Variants in CDH12 observed in about 807,000 individuals in gnomAD.
CDH12 encodes cadherin 12.
CDH12 carries 41 observed loss-of-function variants against 74.1 expected under a neutral mutation model. That is an observed-to-expected ratio of 0.55 (90% CI 0.43 to 0.72). The LOEUF is 0.72. CDH12 is among the 30% of genes least tolerant of loss of function. The pLI is 0.00. For missense variants in CDH12, 945 were observed against 977.2 expected (o/e 0.97, Z 0.44); for synonymous variants, 399 against 355.0 (o/e 1.12, Z -1.39).
chr5:21,978,467 C>T (rs1580058450), intron 5 of CDH12, among the ~76,000 whole-genome samples: 1 of 152,006 alleles, frequency 6.6e-6, no homozygotes, highest in Non-Finnish European at 1.5e-5. Context: ...TTATATGTTT[C>T]AGTTATGTAA....
chr5:22,047,633 T>C (rs1314628532), intron 5 of CDH12, among the ~76,000 whole-genome samples: 1 of 152,036 alleles, frequency 6.6e-6, no homozygotes, highest in Non-Finnish European at 1.5e-5. Context: ...TCCTAACACA[T>C]GAAGGTGCTG....
intron 3 of CDH12, among the ~76,000 whole-genome samples, chr5:22,218,047 C>G (rs1421351452): frequency 6.6e-6 from 1 of 151,380 alleles, no homozygotes; most frequent in Admixed American, 6.6e-5. Context: ...CCACTAAATA[C>G]CTATTAGAAT....
rs1021957912 is a variant in CDH12 at position 21,779,991 on chromosome 5, G to A, written c.1393+3367C>T. The stretch of plus-strand genomic sequence containing the variant: ...CTTTGTCATACCCGATTTCCTTTAT[G>A]GTTCTAATATCTTTACATTGGCCAC... On this transcript the variant is annotated intron_variant, in intron 11 of 14. Coordinates refer to ENST00000382254, the MANE Select transcript of CDH12 (RefSeq NM_004061.5). Among the ~76,000 whole-genome samples the A allele has an allele frequency of 6.6e-5, 10 of 151,882 alleles. No homozygotes were observed. In the South Asian group the frequency reaches 1.2e-3, roughly 19 times the overall value.
chr5:22,696,269 G>T (rs1436891884), intron 1 of CDH12, among the ~76,000 whole-genome samples: 1 of 150,530 alleles, frequency 6.6e-6, no homozygotes, highest in East Asian at 2.0e-4. Context: ...TACTCAGGAG[G>T]CTAAGGCAGG....
At chr5:22,256,730 C>T (rs116614975) in intron 3 of CDH12, among the ~76,000 whole-genome samples, 32 of 152,080 alleles carry the variant, frequency 2.1e-4, no homozygotes, top group African/African-American at 7.2e-4. Flanking sequence ...ACCCTGTGCA[C>T]GCCAAGGCTA....
chr5:22,809,020 T>C (rs573174027), intron 1 of CDH12, among the ~76,000 whole-genome samples: 1 of 151,842 alleles, frequency 6.6e-6, no homozygotes, highest in African/African-American at 2.4e-5. Flanking sequence ...TATTTTGAGA[T>C]AGTTTATAAA....
rs1353840650 is a variant in CDH12, at chr5:22,750,391, C to A, written c.-523+102667G>T. The stretch of plus-strand genomic sequence containing the variant: ...GTAACTTCATCTATTTTCTGTCACA[C>A]AAAAGTAACTGGATTCAATAGGTAA... On this transcript the variant is annotated intron_variant, in intron 1 of 14. Coordinates refer to ENST00000382254, the MANE Select transcript of CDH12 (RefSeq NM_004061.5). Among the ~76,000 whole-genome samples the A allele has an allele frequency of 2.0e-5, 3 of 151,934 alleles. No homozygotes were observed. In the East Asian group the frequency reaches 5.8e-4, roughly 29 times the overall value.
In CDH12 at chr5:21,918,322, C is replaced by T. The variant is rs1046778909; in HGVS notation, c.526+56769G>A. Among the ~76,000 whole-genome samples, 3 of 151,904 alleles carry T rather than the reference C, an allele frequency of 2.0e-5. 1 individual carries two copies. Among genetic ancestry groups the T allele is most frequent in the Non-Finnish European group, 4.4e-5 (3 of 67,986 alleles). ...TTTCAATTTCTCAGTAAGATAATTC[C>T]TATTCAGATGTTACAATTAGGTTCT... On this transcript the variant is annotated intron_variant, in intron 6 of 14. Coordinates refer to ENST00000382254, the MANE Select transcript of CDH12 (RefSeq NM_004061.5).
chr5:22,706,083 G>A (rs1194586979), intron 1 of CDH12, among the ~76,000 whole-genome samples: 1 of 152,046 alleles, frequency 6.6e-6, no homozygotes, highest in Non-Finnish European at 1.5e-5. Flanking sequence ...AGCATTAAAT[G>A]AGTTTTGGGC....
chr5:22,246,682 C>G (rs75171198), intron 3 of CDH12, among the ~76,000 whole-genome samples: 1 of 152,132 alleles, frequency 6.6e-6, no homozygotes, highest in Admixed American at 6.5e-5. Context: ...GCAAGTGATT[C>G]TCAACAGGGC....
intron 1 of CDH12, among the ~76,000 whole-genome samples, chr5:22,745,483 C>T (rs1399320133): frequency 3.9e-5 from 6 of 152,040 alleles, no homozygotes; most frequent in Non-Finnish European, 5.9e-5. Context: ...TTCATTGCAA[C>T]GCTATTCACA....
chr5:21,833,311 T>TATAACATATAATATATATTATATGTTAC lies in CDH12; in HGVS notation c.814+8849_814+8850insGTAACATATAATATATATTATATGTTAT, dbSNP rs1749298187. ...AACATATAATATATATTATATGTTA[T>TATAACATATAATATATATTATATGTTAC]ATGTTATATAATATATATTATATAT... On this transcript the variant is annotated intron_variant, in intron 8 of 14. Coordinates refer to ENST00000382254, the MANE Select transcript of CDH12 (RefSeq NM_004061.5). 6.2e-5 allele frequency among the ~76,000 whole-genome samples: 2 copies of TATAACATATAATATATATTATATGTTAC among 32,436 alleles called. 1 individual carries two copies. The highest frequency in any genetic ancestry group is 8.0e-5 in the Non-Finnish European group (2 of 24,916). The allele number at this position is 32,436 out of a possible 152,430, so 21.3% of individuals were successfully genotyped here.
At chr5:21,758,312 T>C (rs1451194958) in intron 13 of CDH12, among the ~76,000 whole-genome samples, 1 of 152,150 alleles carries the variant, frequency 6.6e-6, no homozygotes, top group East Asian at 1.9e-4. Flanking sequence ...ACATTGCATA[T>C]TTTATTCAAA....
chr5:22,831,666 G>A (rs1313440254), intron 1 of CDH12, among the ~76,000 whole-genome samples: 2 of 152,054 alleles, frequency 1.3e-5, no homozygotes, highest in African/African-American at 4.8e-5. Flanking sequence ...GGAGCCCGAG[G>A]CGGGTGGATC....
chr5:22,739,317 C>A (rs796522093), intron 1 of CDH12, among the ~76,000 whole-genome samples: 66 of 74,950 alleles, frequency 8.8e-4, no homozygotes, highest in South Asian at 4.4e-3. Context: ...AAAAATTTTA[C>A]TTTTTTTTAC....
chr5:22,824,869 T>C (rs1261511264), intron 1 of CDH12, among the ~76,000 whole-genome samples: 1 of 151,726 alleles, frequency 6.6e-6, no homozygotes, highest in Non-Finnish European at 1.5e-5. Context: ...TATATGTGTG[T>C]CCAAAATTTA....
At chr5:21,982,860 T>C (rs1202132616) in intron 5 of CDH12, among the ~76,000 whole-genome samples, 1 of 152,156 alleles carries the variant, frequency 6.6e-6, no homozygotes, top group African/African-American at 2.4e-5. Flanking sequence ...TAGTTTTATT[T>C]TGCATATGGA....
At chr5:21,859,516 T>C (rs1750924357) in intron 6 of CDH12, among the ~76,000 whole-genome samples, 1 of 151,878 alleles carries the variant, frequency 6.6e-6, no homozygotes, top group South Asian at 2.1e-4. Context: ...CAATATATGG[T>C]ACCATTTCTC....
intron 5 of CDH12, among the ~76,000 whole-genome samples, chr5:22,075,473 T>C (rs1742252108): frequency 6.6e-6 from 1 of 151,886 alleles, no homozygotes. Context: ...AAAAAAAAAC[T>C]TTATGATGAC....
Sources: gnomAD v4.1 joint callset for allele counts (sites outside exome capture counted in the v4.1 genomes callset) on GRCh38, gnomAD v4.1.1 for gene constraint, MANE v1.5 for transcripts, NCBI Gene and HGNC (gene_info 2026-07-23, HGNC 2026-07-21) for gene names.